MYO1C: variants seen among roughly 807,000 people sequenced by gnomAD.
The protein encoded by MYO1C is unconventional myosin-Ic.
Under a neutral mutation model 150.8 loss-of-function variants are expected in MYO1C, and 104 were observed. The observed-to-expected ratio is 0.69, with a 90% CI of 0.59 to 0.81. The LOEUF (loss-of-function observed/expected upper bound fraction) is 0.81, where lower values mean the gene tolerates loss of function less well. MYO1C is among the 30% of genes least tolerant of loss of function. The probability of loss-of-function intolerance (pLI) is 0.00; values close to 1 mark genes in which losing one functional copy is unlikely to be tolerated. For synonymous variants in MYO1C, 663 were observed against 579.9 expected, an observed-to-expected ratio of 1.14 and a Z score of -2.06; for missense variants, 1,504 against 1,435.0, an observed-to-expected ratio of 1.05 and a Z score of -0.78.
chr17:1,471,945 G>C lies in MYO1C; in HGVS notation c.1983C>G (p.Gly661=). Residue 661 remains glycine (G), a synonymous_variant, in exon 19 of 32, where the codon GGC becomes GGG. Coordinates refer to ENST00000648651, the MANE Select transcript of MYO1C (RefSeq NM_001080779.2). Reference sequence around the variant, plus strand: ...CTTCGTATTTGCGGCGATAGGCAAAGCCGGCTCTGCGCACGCGCAGGTTTT... The same window carrying C: ...CTTCGTATTTGCGGCGATAGGCAAACCCGGCTCTGCGCACGCGCAGGTTTT... ...LLENLRVRRA[G]FAYRRKYEAF... is the part of the protein sequence containing the mutation. 6.2e-7 allele frequency: 1 copy of C among 1,614,168 alleles called. No individual in the cohort carries two copies. The highest frequency in any genetic ancestry group is 2.2e-5 in the East Asian group (1 of 44,890).
Position 1,471,335 on chromosome 17 carries a change from A to G in MYO1C, c.2023T>C (p.Tyr675His), listed in dbSNP as rs1206465700. ...CACGTCTCTGGGCACAGTGACTTGT[A>G]CCTGGGGACAGGAATGCACGCGGCT... ...RRKYEAFLQR[Y>H]KSLCPETWPT... is the part of the protein sequence containing the mutation. Residue 675 changes from tyrosine (Y) to histidine (H), a missense_variant and splice_region_variant, in exon 20 of 32, where the codon TAC (tyrosine) becomes CAC (histidine). Coordinates refer to ENST00000648651, the MANE Select transcript of MYO1C (RefSeq NM_001080779.2). The G allele has an allele frequency of 1.2e-6, 2 of 1,613,452 alleles. No individual in the cohort carries two copies. Among genetic ancestry groups the G allele is most frequent in the South Asian group, 1.1e-5 (1 of 91,038 alleles).
chr17:1,476,830 G>C (rs757957938), intron 14 of MYO1C, among the ~76,000 whole-genome samples: 9 of 151,918 alleles, frequency 5.9e-5, no homozygotes, highest in African/African-American at 2.2e-4. Flanking sequence ...CAGGCTACTA[G>C]TGTCTTGTTT....
At chr17:1,469,715 C>T (rs1175845443) in intron 24 of MYO1C, 101 bp from the exon 25 acceptor site, 9 of 978,258 alleles carry the variant, frequency 9.2e-6, no homozygotes, top group Admixed American at 2.0e-5. Context: ...GTAACACCCC[C>T]TCCATCTGGA....
At position 1,468,077 on chromosome 17, in the gene MYO1C, C is replaced by T. The variant is rs764518957; in HGVS notation, c.2807G>A (p.Arg936His). The stretch of plus-strand genomic sequence containing the variant: ...GGGCGTGAGCAGCAGCTGCCGGGAG[C>T]GAGGCTTGTAGCCCTTGCGGTCGTA... Reference protein sequence around the residue: ...VKYDRKGYKPRSRQLLLTPNA... With the variant: ...VKYDRKGYKPHSRQLLLTPNA... Residue 936 changes from arginine to histidine, a missense_variant, in exon 28 of 32, where the codon CGC becomes CAC. Arg to His is a conservative substitution (Grantham distance 29). Coordinates refer to ENST00000648651, the MANE Select transcript of MYO1C (RefSeq NM_001080779.2). The T allele has an allele frequency of 5.0e-6, 8 of 1,613,302 alleles. No homozygotes were observed. The highest frequency in any genetic ancestry group is 2.2e-5 in the East Asian group (1 of 44,762).
At chr17:1,470,145 T>C (rs778384994) in intron 24 of MYO1C, 30 bp downstream of exon 24, 1 of 1,596,866 alleles carries the variant, frequency 6.3e-7, no homozygotes, top group South Asian at 1.1e-5. Context: ...ACTATGATGG[T>C]CCCTAACTTG....
intron 1 of MYO1C, chr17:1,484,666 C>G (rs991692415): frequency 8.9e-6 from 4 of 447,334 alleles, no homozygotes; most frequent in South Asian, 2.1e-5. Context: ...GGGGGGGTCA[C>G]AAGAAGGAAC....
Position 1,479,440 on chromosome 17 carries a change from C to G in MYO1C, c.1083G>C (p.Lys361Asn), listed in dbSNP as rs941299566. The part of the protein sequence containing the change: ...EALTHRKIIA[K>N]GEELLSPLNL... The stretch of plus-strand genomic sequence containing the variant: ...AAGGGCCCGGCCTCACCTCCTCCCC[C>G]TTGGCGATGATCTTCCTGTGTGTCA... Residue 361 changes from lysine (K) to asparagine (N), a missense_variant, in exon 9 of 32, where the codon AAG (lysine) becomes AAC (asparagine). Physicochemically the swap from Lys to Asn is moderately conservative, Grantham distance 94. Coordinates refer to ENST00000648651, the MANE Select transcript of MYO1C (RefSeq NM_001080779.2). This position sits in a 1 kb window ranked among gnomAD's most constrained non-coding sequence, Gnocchi z 4.2. The G allele has an allele frequency of 2.1e-6, 3 of 1,460,498 alleles. No individual in the cohort carries two copies. The highest frequency in any genetic ancestry group is 4.9e-5 in the East Asian group (2 of 40,840). 90.5% of individuals were successfully genotyped at this position (1,460,498 alleles called of 1,614,324 possible). A position where few individuals can be genotyped will look rare whatever the true frequency, so the allele number is the denominator to read the frequency against.
In MYO1C at chr17:1,482,501, T is replaced by G. The variant is rs770537383; in HGVS notation, c.604A>C (p.Met202Leu). The part of the protein sequence containing the change: ...NDNSSRFGKY[M>L]DVQFDFKGAP... ...ACCTTGAAGTCAAACTGCACATCCA[T>G]GTACTTCCCGAACCTGCTGGAGTTA... The change falls in exon 5 of 32, where the codon ATG becomes CTG. Residue 202 changes from methionine (M) to leucine (L), a missense_variant. Transcript: ENST00000648651. The G allele has an allele frequency of 5.0e-6, 8 of 1,614,036 alleles. No homozygotes were observed. In the Middle Eastern group the frequency reaches 4.9e-4, roughly 100 times the overall value.
rs375420555 is a variant in MYO1C, at chr17:1,472,929, G to A, written c.1798-701C>T. On this transcript the variant is annotated intron_variant, in intron 17 of 31. Transcript: ENST00000648651. ...GAACGAGGGGGCCGGAGCCGGGCGC[G>A]GTGGCTCACGCCTGTCATCCCAGCA... is the stretch of plus-strand genomic sequence containing the variant. Among the ~76,000 whole-genome samples the A allele has an allele frequency of 4.9e-4, 75 of 152,316 alleles. No homozygotes were observed. In the South Asian group the frequency reaches 0.012, roughly 24 times the overall value.
chr17:1,483,599 G>C lies in MYO1C; in HGVS notation c.347+11C>G, dbSNP rs774807316. On this transcript the variant is annotated intron_variant, in intron 3 of 31. Transcript: ENST00000648651. ...AGAGGGGTCGCTCCCGGAGGGGCTG[G>C]GGTCACTCACAGGTGAGGGGGCACT... 10 of 1,595,744 alleles carry C rather than the reference G, an allele frequency of 6.3e-6. No individual in the cohort carries two copies. The highest frequency in any genetic ancestry group is 8.6e-6 in the Non-Finnish European group (10 of 1,169,356).
Position 1,477,180 on chromosome 17 carries a change from C to CTT in MYO1C, c.1574+323_1574+324dup, listed in dbSNP as rs547771852. 6.9e-3 allele frequency: 1,484 copies of CTT among 215,946 alleles called. 28 individuals are homozygous for CTT. Among genetic ancestry groups the CTT allele is most frequent in the African/African-American group, 0.03 (1,228 of 41,008 alleles). The allele number at this position is 215,946 out of a possible 1,614,324, so 13.4% of individuals were successfully genotyped here. ...AAAAATTCATTATTTATTTTTTTCC[C>CTT]TTTTTTTTTTTTTTTGAGACGGAGT... On this transcript the variant is annotated intron_variant, in intron 14 of 31. Coordinates refer to ENST00000648651, the MANE Select transcript of MYO1C (RefSeq NM_001080779.2).
chr17:1,492,276 C>G lies in MYO1C; in HGVS notation c.75+137G>C, dbSNP rs947980215. ...ACTCTTCCACTCACCCCGTCTTGTTCAGTCTGTTCTGGCCCCGCCAAGGAT... is the reference window on the plus strand; with the variant it reads ...ACTCTTCCACTCACCCCGTCTTGTTGAGTCTGTTCTGGCCCCGCCAAGGAT... On this transcript the variant is annotated intron_variant, in intron 1 of 31. Transcript: ENST00000648651. 1.3e-5 allele frequency: 11 copies of G among 828,428 alleles called. No homozygotes were observed. In the South Asian group the frequency reaches 1.7e-4, roughly 12 times the overall value. The allele number at this position is 828,428 out of a possible 1,614,324, so 51.3% of individuals were successfully genotyped here. A position where few individuals can be genotyped will look rare whatever the true frequency, so the allele number is the denominator to read the frequency against.
At chr17:1,468,917 A>G (rs948666613) in intron 25 of MYO1C, 1 of 319,726 alleles carries the variant, frequency 3.1e-6, no homozygotes, top group East Asian at 7.9e-5. Context: ...CAGGGCAGAT[A>G]TCACCAATCG....
At position 1,470,440 on chromosome 17, in the gene MYO1C, G is replaced by T; in HGVS notation, c.2361C>A (p.Ile787=). The T allele has an allele frequency of 6.4e-7, 1 of 1,550,478 alleles. No individual in the cohort carries two copies. The highest frequency in any genetic ancestry group is 8.7e-7 in the Non-Finnish European group (1 of 1,147,040). Reference sequence around the variant, plus strand: ...CAAGGCACCCTGGCGCTCACCGCCGGATGGTCTGTGCCGCCCACTTCCTCT... The same window carrying T: ...CAAGGCACCCTGGCGCTCACCGCCGTATGGTCTGTGCCGCCCACTTCCTCT... The part of the protein sequence containing the change: ...AAKRKWAAQT[I]RRLIRGFVLR... Residue 787 remains isoleucine (I), a synonymous_variant, in exon 23 of 32, where the codon ATC becomes ATA. Transcript: ENST00000648651.
At chr17:1,471,778 A>G in intron 19 of MYO1C, 129 bp downstream of exon 19, 1 of 993,932 alleles carries the variant, frequency 1.0e-6, no homozygotes, top group South Asian at 1.3e-5. Context: ...GCCTCCACCA[A>G]GGGCAGCCCA....
In MYO1C at chr17:1,479,098, G is replaced by A. The variant is rs1256772354; in HGVS notation, c.1092+333C>T. On this transcript the variant is annotated intron_variant, in intron 9 of 31. Transcript: ENST00000648651. This position sits in a 1 kb window ranked among gnomAD's most constrained non-coding sequence, Gnocchi z 4.2. ...CAACCTCCACCTCCCGGGTTCAAGCGATTCTCCTGCCTCAGCCTCCCGAGT... is the reference window on the plus strand; with the variant it reads ...CAACCTCCACCTCCCGGGTTCAAGCAATTCTCCTGCCTCAGCCTCCCGAGT... Among the ~76,000 whole-genome samples, 3 of 152,090 alleles carry A rather than the reference G, an allele frequency of 2.0e-5. No individual in the cohort carries two copies. The highest frequency in any genetic ancestry group is 1.3e-4 in the Admixed American group (2 of 15,270).
chr17:1,473,005 A>T lies in MYO1C; in HGVS notation c.1798-777T>A, dbSNP rs541154727. On this transcript the variant is annotated intron_variant, in intron 17 of 31. Coordinates refer to ENST00000648651, the MANE Select transcript of MYO1C (RefSeq NM_001080779.2). The stretch of plus-strand genomic sequence containing the variant: ...CACCTGAGGTCAGGAGTTTAAGACT[A>T]GCCTGGCCAACATGGTGAAACCCCA... 2.0e-5 allele frequency among the ~76,000 whole-genome samples: 3 copies of T among 152,296 alleles called. No individual in the cohort carries two copies. In the East Asian group the frequency reaches 5.8e-4, roughly 29 times the overall value.
chr17:1,480,960 C>T (rs966928755), intron 5 of MYO1C, 75 bp from the exon 6 acceptor site: 7 of 1,533,700 alleles, frequency 4.6e-6, no homozygotes, highest in Admixed American at 3.4e-5. Flanking sequence ...TTCTCCCCTG[C>T]ACTCCTGGGC....
Position 1,477,919 on chromosome 17 carries a change from T to C in MYO1C, c.1454A>G (p.Glu485Gly). Residue 485 changes from glutamate (E) to glycine (G), a missense_variant, in exon 13 of 32, where the codon GAG becomes GGG. By Grantham distance (98) the Glu-to-Gly change is moderately conservative. Transcript: ENST00000648651. ...NNKIICDLVE[E>G]KFKGIISILD... ...AATCGAGATGATGCCCTTAAACTTC[T>C]CCTCCACCAGATCACAGATGATTTT... The C allele has an allele frequency of 1.2e-6, 2 of 1,614,112 alleles. No individual in the cohort carries two copies. Among genetic ancestry groups the C allele is most frequent in the Non-Finnish European group, 8.5e-7 (1 of 1,180,010 alleles).
Sources: gnomAD v4.1 joint callset for allele counts (sites outside exome capture counted in the v4.1 genomes callset) on GRCh38, gnomAD v4.1.1 for gene constraint, Gnocchi (gnomAD v3.1) non-coding constraint, MANE v1.5 for transcripts, NCBI Gene and HGNC (gene_info 2026-07-23, HGNC 2026-07-21) for gene names.